Variants in KIAA0232 observed in about 807,000 individuals in gnomAD.
KIAA0232 encodes the protein uncharacterized protein KIAA0232.
Under a neutral mutation model 122.0 loss-of-function variants are expected in KIAA0232, and 27 were observed. The observed-to-expected ratio is 0.22, with a 90% CI of 0.16 to 0.31. KIAA0232 has a LOEUF of 0.31. Ranked by LOEUF, KIAA0232 falls within the 10% of genes least tolerant of loss-of-function variation. KIAA0232 has a pLI of 1.00. For synonymous variants in KIAA0232, 613 were observed against 587.6 expected, an observed-to-expected ratio of 1.04 and a Z score of -0.63; for missense variants, 1,551 against 1,634.2, an observed-to-expected ratio of 0.95 and a Z score of 0.88.
At chr4:6,820,959 G>A (rs1718395142) in intron 2 of KIAA0232, among the ~76,000 whole-genome samples, 1 of 152,160 alleles carries the variant, frequency 6.6e-6, no homozygotes, top group African/African-American at 2.4e-5. Context: ...AGGCGAGAGT[G>A]CTTGAGACAG....
rs267600214 is a variant in KIAA0232, at chr4:6,862,806, A to T, written c.2424A>T (p.Thr808=). 2 of 1,614,078 alleles carry T rather than the reference A, an allele frequency of 1.2e-6. No individual in the cohort carries two copies. Among genetic ancestry groups the T allele is most frequent in the African/African-American group, 2.7e-5 (2 of 74,948 alleles). Residue 808 remains threonine, a synonymous_variant, in exon 7 of 10, where the codon ACA becomes ACT. Coordinates refer to ENST00000307659, the MANE Select transcript of KIAA0232 (RefSeq NM_014743.3). ...CAGAAAACAAAAATTTTGAAACTAC[A>T]CAAGTATGTAATGAAAGTCCACATG... ...QKTENKNFET[T]QVCNESPHGD...
rs929198009 is a variant in KIAA0232, at chr4:6,792,047, C to G, written c.-354+9206C>G. ...CCATGTAAGAGGTGACTTTGCTCCTCCTTGCCTTCTGCCATGATTGTGAGG... is the reference window on the plus strand; with the variant it reads ...CCATGTAAGAGGTGACTTTGCTCCTGCTTGCCTTCTGCCATGATTGTGAGG... On this transcript the variant is annotated intron_variant, in intron 1 of 9. Coordinates refer to ENST00000307659, the MANE Select transcript of KIAA0232 (RefSeq NM_014743.3). Among the ~76,000 whole-genome samples the G allele has an allele frequency of 4.2e-4, 64 of 152,192 alleles. 3 individuals carry two copies. The highest frequency in any genetic ancestry group is 1.5e-5 in the Non-Finnish European group (1 of 68,028).
intron 2 of KIAA0232, among the ~76,000 whole-genome samples, chr4:6,811,041 C>T (rs1717853286): frequency 6.6e-6 from 1 of 152,088 alleles, no homozygotes; most frequent in South Asian, 2.1e-4. Flanking sequence ...AAGAGTATGG[C>T]GATTTCTTAA....
intron 2 of KIAA0232, among the ~76,000 whole-genome samples, chr4:6,807,371 A>G (rs1717687089): frequency 6.6e-6 from 1 of 152,236 alleles, no homozygotes; most frequent in African/African-American, 2.4e-5. Context: ...TCACTGGAGC[A>G]TATATACTTA....
chr4:6,820,315 G>C (rs558372551), intron 2 of KIAA0232, among the ~76,000 whole-genome samples: 1 of 152,268 alleles, frequency 6.6e-6, no homozygotes, highest in East Asian at 1.9e-4. Flanking sequence ...AGAGAAGTTT[G>C]GGGAAAAGCT....
In KIAA0232 at chr4:6,867,564, A is replaced by G. The variant is rs111543720; in HGVS notation, c.3801+3381A>G. Among the ~76,000 whole-genome samples, 5 of 152,388 alleles carry G rather than the reference A, an allele frequency of 3.3e-5. 1 individual carries two copies. The highest frequency in any genetic ancestry group is 1.2e-4 in the African/African-American group (5 of 41,594). ...CTTAGTACCAAGCACCTTGAGGCAC[A>G]GAAAATAAGCAAAAGGCTTACTTGC... is the stretch of plus-strand genomic sequence containing the variant. On this transcript the variant is annotated intron_variant, in intron 7 of 9. Coordinates refer to ENST00000307659, the MANE Select transcript of KIAA0232 (RefSeq NM_014743.3).
chr4:6,832,367 G>A (rs891097481), intron 3 of KIAA0232, among the ~76,000 whole-genome samples: 5 of 142,966 alleles, frequency 3.5e-5, no homozygotes, highest in Non-Finnish European at 7.6e-5. Flanking sequence ...TTTTTTTTTG[G>A]AGAGGGACTC....
chr4:6,878,863 C>T (rs1243228176), intron 9 of KIAA0232, among the ~76,000 whole-genome samples: 1 of 152,204 alleles, frequency 6.6e-6, no homozygotes, highest in Non-Finnish European at 1.5e-5. Flanking sequence ...TCATCGTCCA[C>T]GTCCTGCTGC....
chr4:6,788,202 G>T (rs1236509430), intron 1 of KIAA0232, among the ~76,000 whole-genome samples: 1 of 151,918 alleles, frequency 6.6e-6, no homozygotes, highest in Admixed American at 6.6e-5. Context: ...ATTTTTTGTA[G>T]AGATGGGGTT....
At chr4:6,827,375 G>A (rs765301681) in intron 3 of KIAA0232, among the ~76,000 whole-genome samples, 44 of 152,130 alleles carry the variant, frequency 2.9e-4, no homozygotes, top group Non-Finnish European at 5.4e-4. Context: ...GAGTGGAAGG[G>A]GCCTTAGCTT....
intron 3 of KIAA0232, among the ~76,000 whole-genome samples, chr4:6,831,950 C>G (rs1719009046): frequency 6.6e-6 from 1 of 152,218 alleles, no homozygotes; most frequent in Non-Finnish European, 1.5e-5. Flanking sequence ...TGTCAGTGCC[C>G]TATGCCCACA....
At chr4:6,826,630 G>T (rs941961636) in intron 3 of KIAA0232, among the ~76,000 whole-genome samples, 5 of 151,230 alleles carry the variant, frequency 3.3e-5, no homozygotes, top group African/African-American at 1.2e-4. Flanking sequence ...TCTGTCTCCT[G>T]AGTAGCTGGA....
chr4:6,822,261 G>T (rs1718458822), intron 2 of KIAA0232, among the ~76,000 whole-genome samples: 1 of 152,138 alleles, frequency 6.6e-6, no homozygotes, highest in African/African-American at 2.4e-5. Flanking sequence ...ATTCAGAAAA[G>T]ATAATATAGT....
chr4:6,854,278 G>C lies in KIAA0232; in HGVS notation c.370-2886G>C, dbSNP rs370537268. On this transcript the variant is annotated intron_variant, in intron 4 of 9. Transcript: ENST00000307659. ...TTTTACTGAATCTTGGGAGGGAAGTGGTGGCATTCTTGGGTCCAGAAAGAG... is the reference window on the plus strand; with the variant it reads ...TTTTACTGAATCTTGGGAGGGAAGTCGTGGCATTCTTGGGTCCAGAAAGAG... Among the ~76,000 whole-genome samples the C allele has an allele frequency of 3.3e-4, 51 of 152,242 alleles. No homozygotes were observed. The South Asian group carries it at 0.01, about 30-fold the overall frequency.
At chr4:6,845,736 T>A (rs1256157851) in intron 4 of KIAA0232, among the ~76,000 whole-genome samples, 2 of 152,166 alleles carry the variant, frequency 1.3e-5, no homozygotes, top group African/African-American at 2.4e-5. Context: ...TGGACCAAAG[T>A]TGCTGAGAAA....
At chr4:6,844,313 T>A (rs946005729) in intron 4 of KIAA0232, among the ~76,000 whole-genome samples, 8 of 152,156 alleles carry the variant, frequency 5.3e-5, no homozygotes, top group South Asian at 4.1e-4. Flanking sequence ...CTGATTTTTT[T>A]AAAATGAATC....
At chr4:6,803,914 G>A (rs2108936832) in intron 1 of KIAA0232, among the ~76,000 whole-genome samples, 1 of 152,246 alleles carries the variant, frequency 6.6e-6, no homozygotes, top group Non-Finnish European at 1.5e-5. Flanking sequence ...TCATTTTTGA[G>A]GGGAAAGGTT....
chr4:6,833,772 C>T (rs909059900), intron 3 of KIAA0232, among the ~76,000 whole-genome samples: 2 of 152,174 alleles, frequency 1.3e-5, no homozygotes, highest in Admixed American at 6.5e-5. Flanking sequence ...GCATATACAT[C>T]ACTGGATAAT....
intron 8 of KIAA0232, among the ~76,000 whole-genome samples, chr4:6,875,028 C>A (rs1468034617): frequency 6.6e-6 from 1 of 152,198 alleles, no homozygotes; most frequent in Non-Finnish European, 1.5e-5. Context: ...GCCCCTCAGC[C>A]AGTATAAGTG....
Sources: gnomAD v4.1 joint callset for allele counts (sites outside exome capture counted in the v4.1 genomes callset) on GRCh38, gnomAD v4.1.1 for gene constraint, MANE v1.5 for transcripts, NCBI Gene and HGNC (gene_info 2026-07-23, HGNC 2026-07-21) for gene names.